The following RGPD4 variants were observed in gnomAD, a reference collection of about 807,000 sequenced individuals.
RGPD4 encodes ranBP2-like and GRIP domain-containing protein 4.
RGPD4 carries 84 observed loss-of-function variants against 141.1 expected under a neutral mutation model. The ratio of observed to expected loss-of-function variants is 0.60; its 90% confidence interval spans 0.50 to 0.71. The LOEUF (loss-of-function observed/expected upper bound fraction) is 0.71. Among genes scored for constraint, RGPD4 ranks in the 30% least tolerant of loss-of-function variants. RGPD4 has a pLI of 0.00. For missense variants in RGPD4, 918 were observed against 1,622.4 expected (o/e 0.57, Z 7.46); for synonymous variants, 298 against 566.8 (o/e 0.53, Z 6.74).
chr2:107,847,148 G>A (rs2919946), intron 6 of RGPD4, among the ~76,000 whole-genome samples: 81,127 of 121,876 alleles, frequency 0.67, 28,319 homozygotes, highest in African/African-American at 0.72. Context: ...AGGCTGAGGC[G>A]GAAGAATCGC....
intron 20 of RGPD4, among the ~76,000 whole-genome samples, chr2:107,873,575 A>C (rs1305764364): frequency 1.1e-3 from 7 of 6,434 alleles, no homozygotes; most frequent in Admixed American, 9.5e-3. Context: ...CTTTGTCTCC[A>C]AAAAAAAAAA....
Position 107,872,086 on chromosome 2 carries a change from G to A in RGPD4, c.4082G>A (p.Arg1361Lys). 3 of 1,611,588 alleles carry A rather than the reference G, an allele frequency of 1.9e-6. No homozygotes were observed. Among genetic ancestry groups the A allele is most frequent in the Non-Finnish European group, 2.5e-6 (3 of 1,179,850 alleles). The change falls in exon 20 of 23, where the codon AGG becomes AAG. Residue 1361 changes from arginine (R) to lysine (K), a missense_variant. Arg to Lys is a conservative substitution (Grantham distance 26, BLOSUM62 2). Transcript: ENST00000408999. The part of the protein sequence containing the change: ...EENEKVVFSH[R>K]AELYRYDKDV... ...AATGAAAAAGTTGTTTTTAGTCACA[G>A]GGCAGAACTCTACAGATATGATAAA...
At chr2:107,846,473 CT>C (rs1036720721) in intron 6 of RGPD4, among the ~76,000 whole-genome samples, 19 of 148,444 alleles carry the variant, frequency 1.3e-4, no homozygotes, top group African/African-American at 2.0e-4. Flanking sequence ...ATAATTATAG[CT>C]TTTTTTTTTG....
chr2:107,884,582 T>G (rs1000607198), intron 22 of RGPD4, among the ~76,000 whole-genome samples: 2 of 146,658 alleles, frequency 1.4e-5, no homozygotes, highest in African/African-American at 2.6e-5. Context: ...TGCAATTAGG[T>G]GGGATGGTGG....
At chr2:107,832,703 G>A (rs1444809976) in intron 1 of RGPD4, among the ~76,000 whole-genome samples, 4 of 151,136 alleles carry the variant, frequency 2.6e-5, no homozygotes, top group Admixed American at 6.6e-5. Flanking sequence ...ACTTAATTTA[G>A]TTGATCATTT....
rs556172965 is a variant in RGPD4, at chr2:107,881,359, T to C, written c.5064+1252T>C. On this transcript the variant is annotated intron_variant, in intron 21 of 22. Coordinates refer to ENST00000408999, the MANE Select transcript of RGPD4 (RefSeq NM_182588.3). ...TTTTGAGATAGTCTCGCTCTGTCACTAGGTTTGGAGTGCAGTGGTGCAATC... is the reference window on the plus strand; with the variant it reads ...TTTTGAGATAGTCTCGCTCTGTCACCAGGTTTGGAGTGCAGTGGTGCAATC... Among the ~76,000 whole-genome samples, 39 of 151,478 alleles carry C rather than the reference T, an allele frequency of 2.6e-4. 1 individual carries two copies. Among genetic ancestry groups the C allele is most frequent in the African/African-American group, 6.3e-4 (26 of 41,206 alleles).
At chr2:107,874,727 TCATTGTC>T (rs1683040454) in intron 20 of RGPD4, among the ~76,000 whole-genome samples, 1 of 150,238 alleles carries the variant, frequency 6.7e-6, no homozygotes, top group Admixed American at 6.6e-5. Flanking sequence ...TCTGATAATG[TCATTGTC>T]CCAAGGGACC....
At chr2:107,827,445 C>T (rs1158330111) in intron 1 of RGPD4, among the ~76,000 whole-genome samples, 1 of 49,342 alleles carries the variant, frequency 2.0e-5, no homozygotes, top group Non-Finnish European at 4.1e-5. Context: ...ATGGCTCAGG[C>T]GTCATGGCTC....
rs372519808 is a variant in RGPD4 at position 107,891,011 on chromosome 2, C to T, written c.*280C>T. Among the ~76,000 whole-genome samples the T allele has an allele frequency of 1.7e-3, 230 of 136,978 alleles. No individual in the cohort carries two copies. Among genetic ancestry groups the T allele is most frequent in the East Asian group, 2.5e-3 (11 of 4,480 alleles). The allele number at this position is 136,978 out of a possible 152,430, so 89.9% of individuals were successfully genotyped here. A position where few individuals can be genotyped will look rare whatever the true frequency, so the allele number is the denominator to read the frequency against. Reference sequence around the variant, plus strand: ...GCCACAGCCCTCTAACTCATGTGATCTCCCATGCATGCTGCCAGAATAAAA... The same window carrying T: ...GCCACAGCCCTCTAACTCATGTGATTTCCCATGCATGCTGCCAGAATAAAA... On this transcript the variant is annotated 3_prime_UTR_variant, in exon 23 of 23. Transcript: ENST00000408999.
intron 22 of RGPD4, among the ~76,000 whole-genome samples, chr2:107,885,405 C>G (rs1006413563): frequency 4.6e-5 from 7 of 152,142 alleles, no homozygotes; most frequent in African/African-American, 1.2e-4. Flanking sequence ...TCTAACAGCC[C>G]TCTTTTAAAA....
At chr2:107,829,694 G>A (rs1251167054) in intron 1 of RGPD4, among the ~76,000 whole-genome samples, 2 of 151,926 alleles carry the variant, frequency 1.3e-5, no homozygotes, top group African/African-American at 2.4e-5. Flanking sequence ...GGGGGACCGC[G>A]GCGGGCGGGA....
chr2:107,827,157 C>T (rs1050725437), intron 1 of RGPD4, 72 bp downstream of exon 1: 7 of 540,276 alleles, frequency 1.3e-5, no homozygotes, highest in South Asian at 4.7e-5. Context: ...GGCCCGGCGG[C>T]GGCCTCGATG....
intron 6 of RGPD4, among the ~76,000 whole-genome samples, chr2:107,844,823 C>T (rs868124026): frequency 1.4e-3 from 73 of 53,768 alleles, no homozygotes; most frequent in African/African-American, 2.6e-3. Flanking sequence ...TTCTTTCTTT[C>T]TTTTTTGTTT....
chr2:107,828,547 C>T (rs1371336141), intron 1 of RGPD4, among the ~76,000 whole-genome samples: 3 of 123,848 alleles, frequency 2.4e-5, no homozygotes, highest in African/African-American at 6.2e-5. Flanking sequence ...TCATGGCTCC[C>T]GACGGGCGCT....
At position 107,874,810 on chromosome 2, in the gene RGPD4, G is replaced by T. The variant is rs1011473840; in HGVS notation, c.4924+1882G>T. The stretch of plus-strand genomic sequence containing the variant: ...GAGAGGCTATCTGATTTACCCAAGG[G>T]GTCTTTACTGAGTAATAGCAGAAGT... On this transcript the variant is annotated intron_variant, in intron 20 of 22. Coordinates refer to ENST00000408999, the MANE Select transcript of RGPD4 (RefSeq NM_182588.3). 4.4e-3 allele frequency among the ~76,000 whole-genome samples: 660 copies of T among 151,446 alleles called. 3 individuals carry two copies. Among genetic ancestry groups the T allele is most frequent in the Non-Finnish European group, 7.1e-3 (481 of 67,992 alleles).
rs1046905607 is a variant in RGPD4 at position 107,872,285 on chromosome 2, G to T, written c.4281G>T (p.Trp1427Cys). The change falls in exon 20 of 23, where the codon TGG (tryptophan) becomes TGT (cysteine). Residue 1427 changes from tryptophan to cysteine, a missense_variant. Trp to Cys is a radical substitution (Grantham distance 215). Transcript: ENST00000408999. ...ATATGAAAGGGACAGAAAGAGTATG[G>T]GTGTGGACTGCATGTGATTTTGCAG... ...LQNMKGTERV[W>C]VWTACDFADG... 6.2e-7 allele frequency: 1 copy of T among 1,610,468 alleles called. No homozygotes were observed. The highest frequency in any genetic ancestry group is 2.2e-5 in the East Asian group (1 of 44,858).
intron 22 of RGPD4, among the ~76,000 whole-genome samples, chr2:107,884,175 A>G (rs1208533256): frequency 2.6e-5 from 4 of 152,036 alleles, no homozygotes; most frequent in African/African-American, 9.7e-5. Context: ...CAGTGGTCCG[A>G]TCATGGCTCA....
At chr2:107,886,131 CAA>C (rs1675504277) in intron 22 of RGPD4, among the ~76,000 whole-genome samples, 1 of 131,578 alleles carries the variant, frequency 7.6e-6, no homozygotes, top group Non-Finnish European at 1.6e-5. Flanking sequence ...AAACAAAAAA[CAA>C]GAGTGGGAAA....
In RGPD4 at chr2:107,870,916, C is replaced by T. The variant is rs1682884031; in HGVS notation, c.2912C>T (p.Thr971Ile). 2 of 1,609,486 alleles carry T rather than the reference C, an allele frequency of 1.2e-6. No individual in the cohort carries two copies. The highest frequency in any genetic ancestry group is 1.7e-6 in the Non-Finnish European group (2 of 1,178,860). The change falls in exon 20 of 23, where the codon ACA becomes ATA. Residue 971 changes from threonine (T) to isoleucine (I), a missense_variant. Coordinates refer to ENST00000408999, the MANE Select transcript of RGPD4 (RefSeq NM_182588.3). ...VIFGQTSSTFTFADVAKSTSG... is the reference protein window; with the variant it reads ...VIFGQTSSTFIFADVAKSTSG... Reference sequence around the variant, plus strand: ...TTTGGCCAAACAAGTAGCACTTTTACATTTGCAGATGTTGCAAAATCAACT... The same window carrying T: ...TTTGGCCAAACAAGTAGCACTTTTATATTTGCAGATGTTGCAAAATCAACT...
Sources: allele counts gnomAD v4.1 joint callset (sites outside exome capture counted in the v4.1 genomes callset), GRCh38; gene constraint gnomAD v4.1.1; transcripts MANE v1.5; gene names NCBI Gene and HGNC (gene_info 2026-07-23, HGNC 2026-07-21).